Variants in MAN2B2 observed in about 807,000 individuals in gnomAD.
MAN2B2 encodes the protein epididymis-specific alpha-mannosidase.
MAN2B2 carries 106 observed loss-of-function variants against 117.1 expected under a neutral mutation model. That is an observed-to-expected ratio of 0.90 (90% CI 0.77 to 1.06). The LOEUF (loss-of-function observed/expected upper bound fraction) is 1.06, where lower values mean the gene tolerates loss of function less well. Among genes scored for constraint, MAN2B2 ranks in the 50% least tolerant of loss-of-function variants. The probability of loss-of-function intolerance (pLI) is 0.00; values close to 1 mark genes in which losing one functional copy is unlikely to be tolerated. For synonymous variants in MAN2B2, 544 were observed against 595.1 expected, an observed-to-expected ratio of 0.91 and a Z score of 1.25; for missense variants, 1,326 against 1,381.4, an observed-to-expected ratio of 0.96 and a Z score of 0.64.
At chr4:6,592,290 C>T (rs1209746602) in intron 5 of MAN2B2, among the ~76,000 whole-genome samples, 1 of 152,216 alleles carries the variant, frequency 6.6e-6, no homozygotes, top group Non-Finnish European at 1.5e-5. Flanking sequence ...TTAATCCTCA[C>T]AACAACCTGC....
At chr4:6,609,633 G>A (rs1005995966) in intron 12 of MAN2B2, 165 bp from the exon 13 acceptor site, 30 of 866,872 alleles carry the variant, frequency 3.5e-5, no homozygotes, top group Middle Eastern at 3.5e-4. Flanking sequence ...GCTCCCAGCC[G>A]CTCGGGGTCC....
chr4:6,575,203 CCGCAGGGAT>C lies in MAN2B2; in HGVS notation c.-7_2del. The C allele has an allele frequency of 7.0e-7, 1 of 1,432,420 alleles. No individual in the cohort carries two copies. The highest frequency in any genetic ancestry group is 9.4e-7 in the Non-Finnish European group (1 of 1,058,282). 88.7% of individuals were successfully genotyped at this position (1,432,420 alleles called of 1,614,324 possible). A position where few individuals can be genotyped will look rare whatever the true frequency, so the allele number is the denominator to read the frequency against. On this transcript the variant is annotated start_lost and 5_prime_UTR_variant, in exon 1 of 19. Transcript: ENST00000285599. ...GTGGGCCTGGCACCTTCCCGGCCTG[CCGCAGGGAT>C]GGGGCAGCTGTGCTGGCTGCCGCTG...
At chr4:6,601,011 C>T (rs986372322) in intron 10 of MAN2B2, among the ~76,000 whole-genome samples, 2 of 152,128 alleles carry the variant, frequency 1.3e-5, no homozygotes, top group Non-Finnish European at 2.9e-5. Context: ...ACAGACCCCA[C>T]GAGTTAGGGG....
intron 3 of MAN2B2, among the ~76,000 whole-genome samples, chr4:6,584,102 A>G (rs1726544750): frequency 6.6e-6 from 1 of 152,162 alleles, no homozygotes. Context: ...CTGGCTGCCA[A>G]TTTCTCACTT....
At chr4:6,602,959 A>AGCCACCACACCAGGCCTGT (rs1727387970) in intron 10 of MAN2B2, among the ~76,000 whole-genome samples, 1 of 152,148 alleles carries the variant, frequency 6.6e-6, no homozygotes, top group African/African-American at 2.4e-5. Context: ...TACAGGCATG[A>AGCCACCACACCAGGCCTGT]GCCACCACAC....
intron 12 of MAN2B2, 84 bp from the exon 13 acceptor site, chr4:6,609,714 T>G: frequency 1.4e-5 from 8 of 561,440 alleles, no homozygotes; most frequent in Non-Finnish European, 2.4e-5. Context: ...CTGCCCACCC[T>G]GCCCACATGA....
chr4:6,581,593 C>T (rs1431321809), intron 3 of MAN2B2, among the ~76,000 whole-genome samples: 2 of 151,982 alleles, frequency 1.3e-5, no homozygotes, highest in Non-Finnish European at 2.9e-5. Flanking sequence ...GGGGCTGGAT[C>T]ACCCCTCACT....
intron 2 of MAN2B2, among the ~76,000 whole-genome samples, chr4:6,577,687 G>C (rs1345215088): frequency 4.6e-5 from 7 of 152,234 alleles, no homozygotes; most frequent in African/African-American, 1.7e-4. Flanking sequence ...AGGATATCCT[G>C]TGAGCGTCCC....
intron 1 of MAN2B2, among the ~76,000 whole-genome samples, chr4:6,576,041 G>A (rs1242731752): frequency 6.6e-6 from 1 of 152,106 alleles, no homozygotes; most frequent in Non-Finnish European, 1.5e-5. Flanking sequence ...CAGGGCCCTC[G>A]GGACTCGGAT....
At chr4:6,620,172 C>T (rs1054187604) in intron 18 of MAN2B2, 128 bp downstream of exon 18, 2 of 735,608 alleles carry the variant, frequency 2.7e-6, no homozygotes, top group Non-Finnish European at 4.4e-6. Flanking sequence ...TGCTTTCCTA[C>T]TCTGAACCCG....
chr4:6,596,528 A>G (rs1727094262), intron 7 of MAN2B2, among the ~76,000 whole-genome samples: 1 of 152,030 alleles, frequency 6.6e-6, no homozygotes, highest in Non-Finnish European at 1.5e-5. Context: ...TGCCTCCTGC[A>G]TGGGCCCTGG....
rs778620342 is a variant in MAN2B2 at position 6,587,096 on chromosome 4, G to A, written c.492G>A (p.Ala164=). Residue 164 remains alanine (A), a synonymous_variant, in exon 4 of 19, where the codon GCG becomes GCA. Transcript: ENST00000285599. ...GASATTPTLF[A]LAGFNAHLGS... ...CTGCCACGACGCCCACCCTATTTGC[G>A]CTGGCGGGCTTCAATGCCCACCTCG... is the stretch of plus-strand genomic sequence containing the variant. The A allele has an allele frequency of 6.2e-6, 10 of 1,613,846 alleles. No individual in the cohort carries two copies. Among genetic ancestry groups the A allele is most frequent in the South Asian group, 3.3e-5 (3 of 91,074 alleles).
intron 10 of MAN2B2, among the ~76,000 whole-genome samples, chr4:6,601,793 C>G (rs1350523613): frequency 6.6e-6 from 1 of 152,210 alleles, no homozygotes; most frequent in Non-Finnish European, 1.5e-5. Flanking sequence ...CCAAATCTAT[C>G]TATGTTTACT....
intron 11 of MAN2B2, among the ~76,000 whole-genome samples, chr4:6,606,252 C>T (rs1402504045): frequency 1.3e-5 from 2 of 152,340 alleles, no homozygotes; most frequent in East Asian, 3.9e-4. Flanking sequence ...CAGCTCCCTG[C>T]CCACAGAGCT....
At chr4:6,599,503 A>T (rs1478918709) in intron 9 of MAN2B2, among the ~76,000 whole-genome samples, 4 of 152,050 alleles carry the variant, frequency 2.6e-5, no homozygotes, top group Non-Finnish European at 5.9e-5. Context: ...TCTACTAAAA[A>T]TACCAAAAAA....
rs776882380 is a variant in MAN2B2, at chr4:6,594,566, G to A, written c.891G>A (p.Val297=). The A allele has an allele frequency of 6.8e-6, 11 of 1,613,602 alleles. No homozygotes were observed. The highest frequency in any genetic ancestry group is 9.3e-6 in the Non-Finnish European group (11 of 1,180,036). The change falls in exon 7 of 19, where the codon GTG becomes GTA. Residue 297 remains valine, a synonymous_variant. Transcript: ENST00000285599. The part of the protein sequence containing the change: ...GCDKQFFNAS[V]QFANMDPLLD... ...ACAAGCAGTTCTTCAATGCCTCGGT[G>A]CAGTTTGCCAACATGGACCCGCTGC...
At chr4:6,579,180 TCACCATCACCAG>T (rs1726256566) in intron 3 of MAN2B2, among the ~76,000 whole-genome samples, 8 of 20,946 alleles carry the variant, frequency 3.8e-4, no homozygotes, top group African/African-American at 8.7e-4. Flanking sequence ...ACCACCACCA[TCACCATCACCAG>T]CACCACCACC....
At position 6,579,152 on chromosome 4, in the gene MAN2B2, A is replaced by ACCCT. The variant is rs1560634567; in HGVS notation, c.391+654_391+655insCCCT. On this transcript the variant is annotated intron_variant, in intron 3 of 18. Coordinates refer to ENST00000285599, the MANE Select transcript of MAN2B2 (RefSeq NM_015274.3). ...CACCACCACCACCATCACCACCACC[A>ACCCT]TCACCATCACCACCACCACCACCAC... is the stretch of plus-strand genomic sequence containing the variant. Among the ~76,000 whole-genome samples the ACCCT allele has an allele frequency of 8.1e-5, 7 of 86,870 alleles. 1 individual carries two copies. Among genetic ancestry groups the ACCCT allele is most frequent in the East Asian group, 1.1e-3 (2 of 1,750 alleles). The allele number at this position is 86,870 out of a possible 152,430, so 57.0% of individuals were successfully genotyped here.
At chr4:6,582,656 A>G (rs1344049706) in intron 3 of MAN2B2, among the ~76,000 whole-genome samples, 2 of 151,786 alleles carry the variant, frequency 1.3e-5, no homozygotes, top group Non-Finnish European at 2.9e-5. Context: ...AGTATTGAAA[A>G]CACACTTAAA....
Sources: gnomAD v4.1 joint callset for allele counts (sites outside exome capture counted in the v4.1 genomes callset) on GRCh38, gnomAD v4.1.1 for gene constraint, MANE v1.5 for transcripts, NCBI Gene and HGNC (gene_info 2026-07-23, HGNC 2026-07-21) for gene names.